CASP8: variants seen among roughly 807,000 people sequenced by gnomAD.
The protein encoded by CASP8 is caspase 8.
A neutral mutation model predicts 46.3 loss-of-function variants in CASP8; 24 were observed. The observed-to-expected ratio is 0.52, with a 90% CI of 0.38 to 0.73. The LOEUF (loss-of-function observed/expected upper bound fraction) is 0.73. Among genes scored for constraint, CASP8 ranks in the 30% least tolerant of loss-of-function variants. CASP8 has a pLI of 0.00. For missense variants in CASP8, 460 were observed against 559.0 expected (o/e 0.82, Z 1.79); for synonymous variants, 188 against 200.4 (o/e 0.94, Z 0.52).
chr2:201,259,327 C>T (rs570392145), upstream of CASP8, among the ~76,000 whole-genome samples: 3 of 152,222 alleles, frequency 2.0e-5, no homozygotes, highest in Middle Eastern at 3.4e-3. Context: ...CGCGTGCTAC[C>T]ACACCTGGCT....
At chr2:201,244,403 G>A (rs1382641921) in intron 2 of CASP8, among the ~76,000 whole-genome samples, 2 of 152,166 alleles carry the variant, frequency 1.3e-5, no homozygotes, top group African/African-American at 2.4e-5. Flanking sequence ...GAGAAGGAAG[G>A]TTAGATTCCC....
chr2:201,270,961 G>A (rs900937058), intron 2 of CASP8, among the ~76,000 whole-genome samples: 1 of 152,160 alleles, frequency 6.6e-6, no homozygotes, highest in South Asian at 2.1e-4. Context: ...ATAGACAAGG[G>A]GATGGGGTGT....
chr2:201,275,109 T>G (rs1442021326), intron 6 of CASP8, among the ~76,000 whole-genome samples, 156 bp downstream of exon 6: 1 of 152,148 alleles, frequency 6.6e-6, no homozygotes, highest in Non-Finnish European at 1.5e-5. Flanking sequence ...CAAAAAAAGT[T>G]AAAAATGTGA....
intron 2 of CASP8, among the ~76,000 whole-genome samples, chr2:201,248,955 G>C (rs573762980): frequency 6.6e-6 from 1 of 152,220 alleles, no homozygotes; most frequent in South Asian, 2.1e-4. Flanking sequence ...GCAGTGCTGC[G>C]ATCTTGGCTC....
At chr2:201,251,633 T>C (rs1205689840) in intron 2 of CASP8, among the ~76,000 whole-genome samples, 3 of 149,772 alleles carry the variant, frequency 2.0e-5, no homozygotes, top group Non-Finnish European at 4.4e-5. Flanking sequence ...CCAGGCGCAG[T>C]GGCTCACACC....
intron 8 of CASP8, among the ~76,000 whole-genome samples, chr2:201,286,103 C>T (rs915995977): frequency 1.3e-5 from 2 of 152,118 alleles, no homozygotes; most frequent in East Asian, 1.9e-4. Context: ...TCCGCAGATG[C>T]GATGTCAATT....
In CASP8 at chr2:201,246,217, C is replaced by T. The variant is rs370001294; in HGVS notation, c.-27+12105C>T. On this transcript the variant is annotated intron_variant, in intron 2 of 6. Transcript: ENST00000264274. ...GTGGTTCTGGATTGCAGGCCTCTTT[C>T]GTTTTCAGTCTGGCATGTGTGGGAA... Among the ~76,000 whole-genome samples, 241 of 152,270 alleles carry T rather than the reference C, an allele frequency of 1.6e-3. 1 individual carries two copies. Among genetic ancestry groups the T allele is most frequent in the Middle Eastern group, 0.01 (3 of 294 alleles).
intron 2 of CASP8, among the ~76,000 whole-genome samples, chr2:201,236,889 G>A (rs1186843886): frequency 1.3e-5 from 2 of 151,806 alleles, no homozygotes; most frequent in Non-Finnish European, 2.9e-5. Context: ...GACAGGCGTG[G>A]GCCACTGTGC....
chr2:201,280,050 AAAG>A (rs1948903006), intron 7 of CASP8, among the ~76,000 whole-genome samples: 1 of 152,228 alleles, frequency 6.6e-6, no homozygotes, highest in African/African-American at 2.4e-5. Context: ...TGTTGAGAAA[AAAG>A]CAACCTTTTT....
chr2:201,269,363 C>G, intron 2 of CASP8: 1 of 636,836 alleles, frequency 1.6e-6, no homozygotes, highest in Non-Finnish European at 2.9e-6. Flanking sequence ...AACCAGTACA[C>G]TAGATAGCTT....
Position 201,266,767 on chromosome 2 carries a change from G to A in CASP8, c.281G>A (p.Gly94Asp), listed in dbSNP as rs2125156064. ...EEMERELQTP[G>D]RAQISAYRVM... ...ATGGAAAGGGAACTTCAGACACCAG[G>A]CAGGGCTCAAATTTCTGCCTACAGG... The change falls in exon 2 of 9, where the codon GGC becomes GAC. Residue 94 changes from glycine (G) to aspartate (D), a missense_variant. Coordinates refer to ENST00000673742, the MANE Select transcript of CASP8 (RefSeq NM_001372051.1). This position sits in a 1 kb window ranked among gnomAD's most constrained non-coding sequence, Gnocchi z 5.7. 1 of 1,613,058 alleles carries A rather than the reference G, an allele frequency of 6.2e-7. No homozygotes were observed.
chr2:201,273,058 C>CTT (rs397826156), intron 5 of CASP8, 116 bp downstream of exon 5: 14,103 of 589,134 alleles, frequency 0.024, 3 homozygotes, highest in Non-Finnish European at 0.029. Flanking sequence ...TCTACTTTTT[C>CTT]TTTTTTTTTT....
At chr2:201,278,215 G>C (rs1235262341) in intron 7 of CASP8, 1 of 152,430 alleles carries the variant, frequency 6.6e-6, no homozygotes, top group Non-Finnish European at 1.5e-5. Flanking sequence ...ACTGGCCCAT[G>C]ATTGACTAGT....
At position 201,251,875 on chromosome 2, in the gene CASP8, A is replaced by T. The variant is rs1946802838; in HGVS notation, c.-26-14586A>T. On this transcript the variant is annotated intron_variant, in intron 2 of 6. Coordinates refer to the CASP8 transcript ENST00000264274. ...AAGATCACACTTGCCGTTGCACTCC[A>T]GCCTGGGAGACAGAGTGAGACTCCG... is the stretch of plus-strand genomic sequence containing the variant. 2.6e-5 allele frequency among the ~76,000 whole-genome samples: 4 copies of T among 152,054 alleles called. No individual in the cohort carries two copies. The South Asian group carries it at 8.3e-4, about 32-fold the overall frequency.
intron 2 of CASP8, among the ~76,000 whole-genome samples, chr2:201,251,605 A>G (rs979966815): frequency 8.6e-5 from 12 of 139,196 alleles, no homozygotes; most frequent in African/African-American, 3.2e-4. Flanking sequence ...AAAAAAAAAA[A>G]AAAAGAAAAA....
intron 2 of CASP8, among the ~76,000 whole-genome samples, chr2:201,245,856 T>G (rs1343622427): frequency 2.7e-5 from 4 of 147,680 alleles, no homozygotes; most frequent in African/African-American, 1.1e-4. Flanking sequence ...TGCTTTTCCT[T>G]GTTTGTTCTT....
At chr2:201,243,814 G>T (rs768585025) in intron 2 of CASP8, among the ~76,000 whole-genome samples, 1 of 152,184 alleles carries the variant, frequency 6.6e-6, no homozygotes, top group Admixed American at 6.5e-5. Context: ...TACAGGAGGC[G>T]ATGGGCTGAG....
At position 201,262,937 on chromosome 2, in the gene CASP8, T is replaced by C. The variant is rs554753541; in HGVS notation, c.-27+2324T>C. 3.3e-5 allele frequency among the ~76,000 whole-genome samples: 5 copies of C among 152,342 alleles called. No individual in the cohort carries two copies. In the South Asian group the frequency reaches 8.3e-4, roughly 25 times the overall value. ...GAAAAGGCTGACTATCATCTGACAG[T>C]GTATCCTGGAACACCTAGGCCAGAG... On this transcript the variant is annotated intron_variant, in intron 1 of 8. Transcript: ENST00000673742.
At chr2:201,276,995 T>G in intron 7 of CASP8, 27 bp downstream of exon 7, 9 of 1,547,480 alleles carry the variant, frequency 5.8e-6, no homozygotes, top group Non-Finnish European at 8.0e-6. Context: ...AAGAGAAAAG[T>G]AAAATATTTC....
Sources: allele counts gnomAD v4.1 joint callset (sites outside exome capture counted in the v4.1 genomes callset), GRCh38; gene constraint gnomAD v4.1.1; non-coding constraint Gnocchi (gnomAD v3.1); transcripts MANE v1.5; gene names NCBI Gene and HGNC (gene_info 2026-07-23, HGNC 2026-07-21).